Variants in ZAN observed in about 807,000 individuals in gnomAD.
The protein encoded by ZAN is zonadhesin (gene/pseudogene).
Under a neutral mutation model 286.2 loss-of-function variants are expected in ZAN, and 260 were observed. The observed-to-expected ratio is 0.91, with a 90% CI of 0.82 to 1.01. The LOEUF (loss-of-function observed/expected upper bound fraction) is 1.01. Among genes scored for constraint, ZAN ranks in the 50% least tolerant of loss-of-function variants. The pLI is 0.00. For missense variants in ZAN, 3,410 were observed against 3,639.2 expected (o/e 0.94, Z 1.62); for synonymous variants, 1,368 against 1,417.5 (o/e 0.97, Z 0.79).
intron 45 of ZAN, among the ~76,000 whole-genome samples, chr7:100,795,778 C>CAT (rs1261241014): frequency 2.0e-5 from 3 of 151,834 alleles, no homozygotes; most frequent in Non-Finnish European, 2.9e-5. Context: ...TGGTGGTGTG[C>CAT]GCCTGTAGTC....
At chr7:100,753,995 C>G (rs1383913429) in intron 14 of ZAN, among the ~76,000 whole-genome samples, 1 of 152,122 alleles carries the variant, frequency 6.6e-6, no homozygotes, top group Non-Finnish European at 1.5e-5. Flanking sequence ...TCCCCCAGCC[C>G]CTGGCAACCA....
At chr7:100,776,145 C>A (rs1446420464) in intron 33 of ZAN, among the ~76,000 whole-genome samples, 2 of 151,758 alleles carry the variant, frequency 1.3e-5, no homozygotes, top group African/African-American at 2.4e-5. Flanking sequence ...GAAACCCCGT[C>A]TCTATTAAAA....
In ZAN at chr7:100,787,904, C is replaced by T. The variant is rs1811665445; in HGVS notation, c.6995C>T (p.Ser2332Leu). Residue 2332 changes from serine to leucine, a missense_variant, in exon 38 of 48, where the codon TCA becomes TTA. Ser to Leu is a moderately radical substitution (Grantham distance 145). This residue lies in a region of ZAN where 1,289 missense variants were observed against 1,314.3 expected (regional missense o/e 0.98). Coordinates refer to ENST00000613979, the MANE Select transcript of ZAN (RefSeq NM_003386.3). ...NCVSDKSEQC[S>L]VYGDPRYLTF... is the part of the protein sequence containing the mutation. The stretch of plus-strand genomic sequence containing the variant: ...TTCTTGGCAGAGTCTGAACAATGCT[C>T]AGTCTATGGCGACCCCCGTTACCTC... The T allele has an allele frequency of 6.5e-7, 1 of 1,530,196 alleles. No homozygotes were observed. Among genetic ancestry groups the T allele is most frequent in the South Asian group, 1.2e-5 (1 of 80,774 alleles). 94.8% of individuals were successfully genotyped at this position (1,530,196 alleles called of 1,614,324 possible).
chr7:100,755,154 T>G (rs1046117999), intron 14 of ZAN, 72 bp from the exon 15 acceptor site: 1 of 1,495,548 alleles, frequency 6.7e-7, no homozygotes, highest in Non-Finnish European at 9.0e-7. Context: ...AGTTTGGGGG[T>G]AGAGGAGAGA....
At chr7:100,776,774 G>A (rs1233585461) in intron 34 of ZAN, among the ~76,000 whole-genome samples, 3 of 108,180 alleles carry the variant, frequency 2.8e-5, no homozygotes, top group Non-Finnish European at 5.2e-5. Flanking sequence ...CGCCCAGGCC[G>A]GACTGCGGAC....
chr7:100,757,333 A>T (rs984435425), intron 15 of ZAN, among the ~76,000 whole-genome samples: 1 of 152,122 alleles, frequency 6.6e-6, no homozygotes, highest in African/African-American at 2.4e-5. Context: ...GTCGCCACGA[A>T]TAGGCTGTGG....
At chr7:100,778,988 A>G (rs1454753221) in intron 34 of ZAN, among the ~76,000 whole-genome samples, 2 of 151,916 alleles carry the variant, frequency 1.3e-5, no homozygotes, top group African/African-American at 4.8e-5. Flanking sequence ...AGCCAAGATC[A>G]CACCACTGAA....
At chr7:100,783,757 A>AT (rs1449890159) in intron 35 of ZAN, among the ~76,000 whole-genome samples, 5 of 21,250 alleles carry the variant, frequency 2.4e-4, no homozygotes, top group African/African-American at 4.1e-4. Context: ...AAAAAAAAAA[A>AT]AAAAAAATAT....
chr7:100,774,920 T>TTTTGTTTGTTTG (rs35120086), intron 31 of ZAN, among the ~76,000 whole-genome samples: 65 of 120,688 alleles, frequency 5.4e-4, no homozygotes, highest in African/African-American at 1.6e-3. Context: ...CCCTGGGGTT[T>TTTTGTTTGTTTG]TTTGTTTGTT....
At chr7:100,744,868 G>GA (rs1169282070) in intron 7 of ZAN, among the ~76,000 whole-genome samples, 1 of 147,416 alleles carries the variant, frequency 6.8e-6, no homozygotes, top group African/African-American at 2.6e-5. Context: ...AGGTCTCCTT[G>GA]GTTTTTTTTT....
chr7:100,763,829 A>T lies in ZAN; in HGVS notation c.4010A>T (p.Asn1337Ile), dbSNP rs201445882. Residue 1337 changes from asparagine (N) to isoleucine (I), a missense_variant, in exon 21 of 48, where the codon AAT (asparagine) becomes ATT (isoleucine). Asn to Ile is a moderately radical substitution (Grantham distance 149). Around this residue, in one of 7 missense-constraint regions of ZAN, gnomAD observed 1,042 missense variants for 1,058.0 expected, o/e 0.98. Coordinates refer to ENST00000613979, the MANE Select transcript of ZAN (RefSeq NM_003386.3). This position sits in a 1 kb window ranked among gnomAD's most constrained non-coding sequence, Gnocchi z 4.6. Reference sequence around the variant, plus strand: ...AGGTGTCAGAAGTACCAGGTGGTGAATTCCCCGTCTTGTGATTCATCTCTG... The same window carrying T: ...AGGTGTCAGAAGTACCAGGTGGTGATTTCCCCGTCTTGTGATTCATCTCTG... ...DQECQKYQVVNSPSCDSSLQS... is the reference protein window; with the variant it reads ...DQECQKYQVVISPSCDSSLQS... 4.3e-5 allele frequency: 69 copies of T among 1,614,022 alleles called. No individual in the cohort carries two copies. In the African/African-American group the frequency reaches 8.3e-4, roughly 19 times the overall value.
Position 100,768,011 on chromosome 7 carries a change from G to A in ZAN, c.5041G>A (p.Gly1681Arg). The change falls in exon 26 of 48, where the codon GGG becomes AGG. Residue 1681 changes from glycine to arginine, a missense_variant and splice_region_variant. Around this residue, in one of 7 missense-constraint regions of ZAN, gnomAD observed 1,042 missense variants for 1,058.0 expected, o/e 0.98. Transcript: ENST00000613979. ...SYGGQLCGLC[G>R]NYNNNSLDDN... ...TGGCGGCCAGCTCTGTGGGCTGTGT[G>A]GTGAGTTTCCTGGGCACCTGCGGGG... 1 of 1,610,180 alleles carries A rather than the reference G, an allele frequency of 6.2e-7. No homozygotes were observed. The highest frequency in any genetic ancestry group is 8.5e-7 in the Non-Finnish European group (1 of 1,177,910).
Position 100,738,563 on chromosome 7 carries a change from C to CA in ZAN, c.717dup (p.Ser240IlefsTer9). ...GCCAAGTGGACTCAGAAGAAAGGGT[C>CA]ATCAGGAAAGCCAGGCGTGGGGCCT... On this transcript the variant is annotated frameshift_variant, in exon 7 of 48. Coordinates refer to ENST00000613979, the MANE Select transcript of ZAN (RefSeq NM_003386.3). LOFTEE classifies it high-confidence loss of function. The CA allele has an allele frequency of 6.6e-7, 1 of 1,516,646 alleles. No homozygotes were observed. The allele number at this position is 1,516,646 out of a possible 1,614,324, so 93.9% of individuals were successfully genotyped here.
chr7:100,764,628 G>T (rs1809827618), intron 22 of ZAN, among the ~76,000 whole-genome samples: 1 of 151,854 alleles, frequency 6.6e-6, no homozygotes, highest in South Asian at 2.1e-4. Flanking sequence ...GGCGGAGGTT[G>T]CAGTGAGCCG....
chr7:100,753,360 A>C (rs1473512280), intron 14 of ZAN, 131 bp downstream of exon 14: 1 of 1,086,914 alleles, frequency 9.2e-7, no homozygotes, highest in Non-Finnish European at 1.3e-6. Flanking sequence ...CTCAGAGGAG[A>C]GCTGAAGTAG....
intron 15 of ZAN, 129 bp downstream of exon 15, chr7:100,755,539 G>A (rs1809087359): frequency 1.9e-6 from 2 of 1,064,466 alleles, no homozygotes; most frequent in East Asian, 5.0e-5. Flanking sequence ...CAGCTCAGAA[G>A]CAATGGTTAC....
In ZAN at chr7:100,763,212, G is replaced by A. The variant is rs1452231069; in HGVS notation, c.3987-594G>A. 6.6e-6 allele frequency among the ~76,000 whole-genome samples: 1 copy of A among 151,936 alleles called. No homozygotes were observed. Among genetic ancestry groups the A allele is most frequent in the Non-Finnish European group, 1.5e-5 (1 of 67,988 alleles). On this transcript the variant is annotated intron_variant, in intron 20 of 47. Coordinates refer to ENST00000613979, the MANE Select transcript of ZAN (RefSeq NM_003386.3). The surrounding 1 kb of genome is among the most constrained non-coding windows in gnomAD (Gnocchi z 4.6). ...ACTCCTGACCTCAGGTGATTCACCT[G>A]CCCTGGCCTCCCAAAATGCAAAATG...
At position 100,773,857 on chromosome 7, in the gene ZAN, G is replaced by A. The variant is rs71555302; in HGVS notation, c.5771G>A (p.Arg1924Gln). ...CWALDGLLHCRASGVGVCQLP... is the reference protein window; with the variant it reads ...CWALDGLLHCQASGVGVCQLP... ...GCCCTGGATGGGCTGCTCCATTGTC[G>A]GGCCTCAGGTAGGAGGACCACGGTG... Residue 1924 changes from arginine to glutamine, a missense_variant, in exon 31 of 48, where the codon CGG (arginine) becomes CAG (glutamine). Coordinates refer to ENST00000613979, the MANE Select transcript of ZAN (RefSeq NM_003386.3). 444 of 1,604,910 alleles carry A rather than the reference G, an allele frequency of 2.8e-4. No homozygotes were observed. The highest frequency in any genetic ancestry group is 5.4e-4 in the Admixed American group (32 of 58,866).
Position 100,780,968 on chromosome 7 carries a change from C to T in ZAN, c.6622+1218C>T, listed in dbSNP as rs182960465. Among the ~76,000 whole-genome samples the T allele has an allele frequency of 6.6e-5, 10 of 152,130 alleles. No homozygotes were observed. In the East Asian group the frequency reaches 1.7e-3, roughly 26 times the overall value. The stretch of plus-strand genomic sequence containing the variant: ...AAACAAAAGACAAGAAAACTATATG[C>T]TCTGTGCTTTTGGAGTTTTGCCAAT... On this transcript the variant is annotated intron_variant, in intron 35 of 47. Transcript: ENST00000613979.
Sources: gnomAD v4.1 joint callset for allele counts (sites outside exome capture counted in the v4.1 genomes callset) on GRCh38, gnomAD v4.1.1 for gene constraint, gnomAD v4.1.1 regional missense constraint, Gnocchi (gnomAD v3.1) non-coding constraint, MANE v1.5 for transcripts, NCBI Gene and HGNC (gene_info 2026-07-23, HGNC 2026-07-21) for gene names.